RP1L1: variants seen among roughly 807,000 people sequenced by gnomAD.
RP1L1 encodes RP1 like 1.
In RP1L1, 27 loss-of-function variants were observed where a neutral mutation model predicts 15.7. The observed-to-expected ratio is 1.72, with a 90% CI of 1.27 to 2.38. The LOEUF (loss-of-function observed/expected upper bound fraction) is 2.38, where lower values mean the gene tolerates loss of function less well. RP1L1 is among the 30% of genes most tolerant of loss of function. The probability of loss-of-function intolerance (pLI) is 0.00; values close to 1 mark genes in which losing one functional copy is unlikely to be tolerated. For synonymous variants in RP1L1, 1,813 were observed against 1,276.7 expected (o/e 1.42, Z -8.96); for missense variants, 4,798 against 3,075.9 (o/e 1.56, Z -13.24).
At chr8:10,631,413 A>ACGCACACACACATGCG (rs1798250275) in intron 1 of RP1L1, among the ~76,000 whole-genome samples, 1 of 150,106 alleles carries the variant, frequency 6.7e-6, no homozygotes, top group African/African-American at 2.4e-5. Flanking sequence ...ACACGCACAC[A>ACGCACACACACATGCG]CGCACACACA....
chr8:10,640,701 T>A (rs1247332333), intron 1 of RP1L1, among the ~76,000 whole-genome samples: 2 of 151,688 alleles, frequency 1.3e-5, no homozygotes, highest in Non-Finnish European at 2.9e-5. Context: ...ATTATTATCA[T>A]CATCTATAAG....
chr8:10,607,002 C>A lies in RP1L1; in HGVS notation c.7096G>T (p.Ala2366Ser). 1.2e-6 allele frequency: 2 copies of A among 1,614,208 alleles called. No homozygotes were observed. Among genetic ancestry groups the A allele is most frequent in the Non-Finnish European group, 8.5e-7 (1 of 1,180,038 alleles). Reference protein sequence around the residue: ...PLGSRTPEQGASEGYDLQEDQ... With the variant: ...PLGSRTPEQGSSEGYDLQEDQ... ...TCTTGTAGGTCATAACCTTCACTGG[C>A]CCCCTGCTCTGGAGTCCTTGAGCCC... The change falls in exon 4 of 4, where the codon GCC becomes TCC. Residue 2366 changes from alanine to serine, a missense_variant. Physicochemically the swap from Ala to Ser is moderately conservative, Grantham distance 99. Transcript: ENST00000382483.
At chr8:10,621,704 T>G (rs201453300) in intron 2 of RP1L1, 2 of 500,344 alleles carry the variant, frequency 4.0e-6, no homozygotes, top group Non-Finnish European at 8.0e-6. Context: ...GAGGAGACTG[T>G]GAATTAGGTC....
rs1585961422 is a variant in RP1L1, at chr8:10,609,277, T to C, written c.4821A>G (p.Arg1607=). 1 of 1,609,986 alleles carries C rather than the reference T, an allele frequency of 6.2e-7. No individual in the cohort carries two copies. The highest frequency in any genetic ancestry group is 8.5e-7 in the Non-Finnish European group (1 of 1,179,688). ...GELLLQTQQR[R]HRLRGLRNLS... is the part of the protein sequence containing the mutation. ...GGTTTCGCAGGCCCCGGAGACGGTG[T>C]CTGCGCTGCTGGGTCTGCAGGAGCA... The change falls in exon 4 of 4, where the codon AGA becomes AGG. Residue 1607 remains arginine (R), a synonymous_variant. Transcript: ENST00000382483.
chr8:10,654,179 C>T (rs1586009596), intron 1 of RP1L1, among the ~76,000 whole-genome samples: 1 of 152,130 alleles, frequency 6.6e-6, no homozygotes, highest in Admixed American at 6.5e-5. Context: ...AAAACTGGGA[C>T]GGGAGACTGG....
chr8:10,629,026 C>T (rs952901032), intron 1 of RP1L1, among the ~76,000 whole-genome samples: 2 of 152,154 alleles, frequency 1.3e-5, no homozygotes, highest in Admixed American at 6.5e-5. Context: ...GCCCTGTGCT[C>T]GGCACATCAC....
rs749991555 is a variant in RP1L1, at chr8:10,612,216, G to C, written c.1882C>G (p.Pro628Ala). ...TGCTGGGATGAAGTGCAGGTGGAAG[G>C]GGTGGAAGAGGCTCCTTCCGAGTCC... is the stretch of plus-strand genomic sequence containing the variant. ...SWDSEGASST[P>A]STCTSSQQGQ... Residue 628 changes from proline (P) to alanine (A), a missense_variant, in exon 4 of 4, where the codon CCT becomes GCT. Transcript: ENST00000382483. The C allele has an allele frequency of 6.2e-7, 1 of 1,613,308 alleles. No individual in the cohort carries two copies. The highest frequency in any genetic ancestry group is 1.1e-5 in the South Asian group (1 of 91,086).
rs1350176992 is a variant in RP1L1, at chr8:10,607,081, C to T, written c.7017G>A (p.Lys2339=). The T allele has an allele frequency of 4.3e-6, 7 of 1,614,236 alleles. No individual in the cohort carries two copies. The East Asian group carries it at 8.9e-5, about 21-fold the overall frequency. The change falls in exon 4 of 4, where the codon AAG becomes AAA. Residue 2339 remains lysine, a synonymous_variant. Transcript: ENST00000382483. The part of the protein sequence containing the change: ...KSTGTPHAER[K]ATRMYPESST... ...AACTTTCTGGGTACATCCTGGTGGC[C>T]TTCCTCTCTGCATGAGGGGTCCCCG... is the stretch of plus-strand genomic sequence containing the variant.
intron 1 of RP1L1, among the ~76,000 whole-genome samples, chr8:10,644,580 G>A (rs1297254819): frequency 6.6e-6 from 1 of 152,170 alleles, no homozygotes; most frequent in Non-Finnish European, 1.5e-5. Flanking sequence ...CTCTAGTTTT[G>A]GCTAATTCAT....
chr8:10,616,450 T>C lies in RP1L1; in HGVS notation c.747A>G (p.Lys249=). ...ETLSGLTSRN[K]NGSWGPKTKP... is the part of the protein sequence containing the mutation. Reference sequence around the variant, plus strand: ...GAAACCCAAAAACCAACTCACCGTTTTTGTTTCTTGAAGTCAGCCCAGATA... The same window carrying C: ...GAAACCCAAAAACCAACTCACCGTTCTTGTTTCTTGAAGTCAGCCCAGATA... The change falls in exon 3 of 4, where the codon AAA becomes AAG. Residue 249 remains lysine (K), a synonymous_variant. Transcript: ENST00000382483. The C allele has an allele frequency of 3.1e-6, 5 of 1,614,226 alleles. No individual in the cohort carries two copies. The highest frequency in any genetic ancestry group is 4.2e-6 in the Non-Finnish European group (5 of 1,180,038).
intron 2 of RP1L1, among the ~76,000 whole-genome samples, chr8:10,618,781 T>C (rs2117217424): frequency 6.6e-6 from 1 of 152,350 alleles, no homozygotes; most frequent in Non-Finnish European, 1.5e-5. Flanking sequence ...CCATACCAGC[T>C]GTTTCTATCC....
intron 1 of RP1L1, among the ~76,000 whole-genome samples, chr8:10,641,341 G>A (rs771525223): frequency 1.3e-5 from 2 of 152,164 alleles, no homozygotes; most frequent in Admixed American, 6.5e-5. Flanking sequence ...ACAAGACAGC[G>A]ACCCCTGGGG....
chr8:10,621,551 C>G, intron 2 of RP1L1: 2 of 367,882 alleles, frequency 5.4e-6, no homozygotes, highest in South Asian at 4.1e-5. Context: ...ATCTCGAACT[C>G]CTGACCTCAG....
intron 1 of RP1L1, among the ~76,000 whole-genome samples, chr8:10,631,040 G>T (rs987721229): frequency 1.9e-4 from 29 of 152,162 alleles, no homozygotes; most frequent in African/African-American, 7.0e-4. Flanking sequence ...GCTTTGCCGG[G>T]TTTGTGGGGA....
At chr8:10,644,215 G>A (rs969479826) in intron 1 of RP1L1, among the ~76,000 whole-genome samples, 9 of 151,488 alleles carry the variant, frequency 5.9e-5, no homozygotes, top group African/African-American at 2.2e-4. Flanking sequence ...GGGGCCGAGT[G>A]ACCAGCATGC....
chr8:10,611,733 C>T lies in RP1L1; in HGVS notation c.2365G>A (p.Ala789Thr), dbSNP rs535712025. The change falls in exon 4 of 4, where the codon GCT (alanine) becomes ACT (threonine). Residue 789 changes from alanine to threonine, a missense_variant. Transcript: ENST00000382483. Reference protein sequence around the residue: ...HTSDSCSKSGAASLGEEARDT... With the variant: ...HTSDSCSKSGTASLGEEARDT... ...CTGGCCTCTTCCCCCAGGCTGGCAG[C>T]CCCAGATTTTGAGCAGGAGTCGGAT... 456 of 1,613,498 alleles carry T rather than the reference C, an allele frequency of 2.8e-4. 6 individuals carry two copies. In the South Asian group the frequency reaches 4.6e-3, roughly 16 times the overall value.
chr8:10,624,270 A>G (rs544538978), intron 1 of RP1L1, among the ~76,000 whole-genome samples: 1 of 152,312 alleles, frequency 6.6e-6, no homozygotes, highest in Admixed American at 6.5e-5. Flanking sequence ...GGATGCAACC[A>G]TTAGTAGGAC....
Position 10,612,359 on chromosome 8 carries a change from C to T in RP1L1, c.1739G>A (p.Ser580Asn), listed in dbSNP as rs1258862126. Residue 580 changes from serine (S) to asparagine (N), a missense_variant, in exon 4 of 4, where the codon AGT becomes AAT. Coordinates refer to ENST00000382483, the MANE Select transcript of RP1L1 (RefSeq NM_178857.6). ...GTCGTCACTCCTTAAAGATGAAAGACTCAGGGCTGGAGAAGCGGGGTCGCC... is the reference window on the plus strand; with the variant it reads ...GTCGTCACTCCTTAAAGATGAAAGATTCAGGGCTGGAGAAGCGGGGTCGCC... ...EGGDPASPAL[S>N]LSSLRSDDLQ... The T allele has an allele frequency of 1.9e-6, 3 of 1,613,128 alleles. No individual in the cohort carries two copies. The highest frequency in any genetic ancestry group is 2.5e-6 in the Non-Finnish European group (3 of 1,180,038).
chr8:10,617,006 GGA>G (rs796416672), intron 2 of RP1L1, among the ~76,000 whole-genome samples: 5 of 152,276 alleles, frequency 3.3e-5, no homozygotes, highest in African/African-American at 1.2e-4. Flanking sequence ...CCCAAATGAA[GGA>G]GACTCTGTGC....
Sources: gnomAD v4.1 joint callset for allele counts (sites outside exome capture counted in the v4.1 genomes callset) on GRCh38, gnomAD v4.1.1 for gene constraint, MANE v1.5 for transcripts, NCBI Gene and HGNC (gene_info 2026-07-23, HGNC 2026-07-21) for gene names.